Variants in DYNC2I1 observed in about 807,000 individuals in gnomAD.
The protein encoded by DYNC2I1 is cytoplasmic dynein 2 intermediate chain 1.
Under a neutral mutation model 133.4 loss-of-function variants are expected in DYNC2I1, and 89 were observed. The ratio of observed to expected loss-of-function variants is 0.67; its 90% CI spans 0.56 to 0.80. The LOEUF (loss-of-function observed/expected upper bound fraction) is 0.80. Among genes scored for constraint, DYNC2I1 ranks in the 30% least tolerant of loss-of-function variants. DYNC2I1 has a pLI of 0.00. For missense variants in DYNC2I1, 1,291 were observed against 1,314.5 expected (o/e 0.98, Z 0.28); for synonymous variants, 504 against 484.3 (o/e 1.04, Z -0.54).
intron 1 of DYNC2I1, among the ~76,000 whole-genome samples, chr7:158,863,870 G>T (rs1160885869): frequency 7.5e-6 from 1 of 133,384 alleles, no homozygotes; most frequent in African/African-American, 2.9e-5. Flanking sequence ...GTGTTGGAGG[G>T]GGGAGCGGGA....
chr7:158,885,315 C>A (rs1844485511), intron 6 of DYNC2I1, among the ~76,000 whole-genome samples: 1 of 150,650 alleles, frequency 6.6e-6, no homozygotes, highest in Non-Finnish European at 1.5e-5. Context: ...GTGGGTTTTG[C>A]AATACATAAT....
intron 7 of DYNC2I1, among the ~76,000 whole-genome samples, chr7:158,890,005 CAAA>C (rs35423707): frequency 3.2e-4 from 22 of 67,984 alleles, no homozygotes; most frequent in African/African-American, 1.0e-3. Flanking sequence ...GACTCCTTCT[CAAA>C]AAAAAAAAAA....
intron 11 of DYNC2I1, among the ~76,000 whole-genome samples, chr7:158,910,097 T>A (rs891586016): frequency 1.3e-5 from 2 of 152,234 alleles, no homozygotes; most frequent in Non-Finnish European, 1.5e-5. Context: ...ATCTCTGCCC[T>A]TGCGAGTTTA....
upstream of DYNC2I1, among the ~76,000 whole-genome samples, chr7:158,853,541 C>T (rs961182253): frequency 2.6e-5 from 4 of 152,038 alleles, no homozygotes; most frequent in African/African-American, 4.8e-5. Context: ...GACTTGTAAC[C>T]GCCCAACAGG....
At chr7:158,909,475 C>T (rs1421295310) in intron 11 of DYNC2I1, among the ~76,000 whole-genome samples, 1 of 151,700 alleles carries the variant, frequency 6.6e-6, no homozygotes, top group East Asian at 1.9e-4. Flanking sequence ...ACGATGGATA[C>T]TCTGAGGATA....
At chr7:158,905,218 GCAACCTT>G (rs1846665441) in intron 10 of DYNC2I1, 1 of 366,722 alleles carries the variant, frequency 2.7e-6, no homozygotes, top group African/African-American at 2.3e-5. Context: ...TCGGCTCACT[GCAACCTT>G]CATTTCCTGG....
At chr7:158,919,414 C>T (rs912842811) in intron 15 of DYNC2I1, among the ~76,000 whole-genome samples, 1 of 152,216 alleles carries the variant, frequency 6.6e-6, no homozygotes, top group Admixed American at 6.5e-5. Flanking sequence ...ACTGTTTAAT[C>T]AGTTCAGACA....
intron 5 of DYNC2I1, among the ~76,000 whole-genome samples, chr7:158,883,703 G>A (rs1585026816): frequency 1.9e-5 from 2 of 104,616 alleles, no homozygotes; most frequent in African/African-American, 7.8e-5. Context: ...TTGCTCTGTT[G>A]CCCAGGCTGG....
At chr7:158,880,998 C>T (rs1843943613) in intron 5 of DYNC2I1, among the ~76,000 whole-genome samples, 1 of 152,164 alleles carries the variant, frequency 6.6e-6, no homozygotes, top group Non-Finnish European at 1.5e-5. Flanking sequence ...ACCCGGATCT[C>T]CTGATCTGAA....
intron 5 of DYNC2I1, among the ~76,000 whole-genome samples, chr7:158,881,696 G>A (rs977847413): frequency 3.3e-5 from 5 of 152,096 alleles, no homozygotes; most frequent in South Asian, 4.2e-4. Context: ...CTCATGATCC[G>A]CCCGCCTTGG....
intron 8 of DYNC2I1, among the ~76,000 whole-genome samples, chr7:158,900,731 G>GTTTTTTTTTTTTTTTT (rs35689002): frequency 9.5e-6 from 1 of 105,734 alleles, no homozygotes; most frequent in African/African-American, 3.6e-5. Context: ...ATTTTGTTCT[G>GTTTTTTTTTTTTTTTT]TTTTTTTTTT....
chr7:158,914,149 A>C, intron 13 of DYNC2I1, 84 bp from the exon 14 acceptor site: 11 of 1,036,124 alleles, frequency 1.1e-5, no homozygotes, highest in Non-Finnish European at 1.3e-5. Context: ...TTGATTTGTT[A>C]GGCCTGTTTG....
chr7:158,880,357 T>G (rs1174341286), intron 5 of DYNC2I1, among the ~76,000 whole-genome samples: 1 of 152,096 alleles, frequency 6.6e-6, no homozygotes, highest in Admixed American at 6.6e-5. Flanking sequence ...ACCAACATGG[T>G]GAAACCCCGT....
At chr7:158,846,062 C>T in the DYNC2I1 span, among the ~76,000 whole-genome samples, 1 of 152,114 alleles carries the variant, frequency 6.6e-6, no homozygotes, top group African/African-American at 2.4e-5. Context: ...GAGTTCGAGA[C>T]TAGCCTGGGC....
intron 4 of DYNC2I1, among the ~76,000 whole-genome samples, chr7:158,878,990 G>A (rs916738454): frequency 2.0e-5 from 3 of 150,694 alleles, no homozygotes; most frequent in Non-Finnish European, 4.4e-5. Context: ...TGCCATGTGG[G>A]GAGGCCAGGA....
At chr7:158,924,610 A>G (rs1489889786) in intron 17 of DYNC2I1, among the ~76,000 whole-genome samples, 1 of 151,302 alleles carries the variant, frequency 6.6e-6, no homozygotes. Context: ...TTGCGATGCT[A>G]TTTTAAAAGA....
At chr7:158,924,104 A>T (rs1301208690) in intron 17 of DYNC2I1, among the ~76,000 whole-genome samples, 1 of 152,218 alleles carries the variant, frequency 6.6e-6, no homozygotes, top group Non-Finnish European at 1.5e-5. Flanking sequence ...AACCAGCACA[A>T]TTGGGCCTCC....
chr7:158,878,767 GGAGGC>G (rs1244226276), intron 4 of DYNC2I1, among the ~76,000 whole-genome samples: 4 of 139,950 alleles, frequency 2.9e-5, no homozygotes, highest in Non-Finnish European at 6.1e-5. Context: ...GGCGAGGAGG[GGAGGC>G]CAGGAGGGCC....
At chr7:158,847,160 TTC>T in the DYNC2I1 span, among the ~76,000 whole-genome samples, 1 of 152,216 alleles carries the variant, frequency 6.6e-6, no homozygotes, top group South Asian at 2.1e-4. Flanking sequence ...AATCTCAAAA[TTC>T]TGTCTTAAAT....
Sources: allele counts gnomAD v4.1 joint callset (sites outside exome capture counted in the v4.1 genomes callset), GRCh38; gene constraint gnomAD v4.1.1; transcripts MANE v1.5; gene names NCBI Gene and HGNC (gene_info 2026-07-23, HGNC 2026-07-21).